The following CAMTA1 variants were observed in gnomAD, a reference collection of about 807,000 sequenced individuals.
The protein encoded by CAMTA1 is calmodulin binding transcription activator 1.
Under a neutral mutation model 170.9 loss-of-function variants are expected in CAMTA1, and 27 were observed. That is an observed-to-expected ratio of 0.16 (90% CI 0.12 to 0.22). The LOEUF (loss-of-function observed/expected upper bound fraction) is 0.22, where lower values mean the gene tolerates loss of function less well. Among genes scored for constraint, CAMTA1 ranks in the 10% least tolerant of loss-of-function variants. The pLI, the probability that CAMTA1 is intolerant of heterozygous loss-of-function variation, is 1.00. For synonymous variants in CAMTA1, 833 were observed against 891.5 expected (o/e 0.93, Z 1.17); for missense variants, 1,619 against 2,217.2 (o/e 0.73, Z 5.42).
intron 5 of CAMTA1, among the ~76,000 whole-genome samples, chr1:7,450,577 C>G (rs879529027): frequency 1.8e-4 from 27 of 152,362 alleles, no homozygotes; most frequent in Admixed American, 1.3e-3. Context: ...CTGCAGGCCC[C>G]ACCGCCTGCC....
chr1:7,098,581 C>G (rs1242785030), intron 4 of CAMTA1, among the ~76,000 whole-genome samples: 2 of 152,134 alleles, frequency 1.3e-5, no homozygotes, highest in Non-Finnish European at 2.9e-5. Context: ...GGTGTCTCGA[C>G]AGTGGTAGGG....
intron 5 of CAMTA1, among the ~76,000 whole-genome samples, chr1:7,366,779 G>A (rs182626578): frequency 2.6e-5 from 4 of 152,230 alleles, no homozygotes; most frequent in Admixed American, 1.3e-4. Context: ...GCAGGAACCC[G>A]CCAGCTTGGT....
chr1:6,837,605 C>T lies in CAMTA1; in HGVS notation c.234+12395C>T, dbSNP rs183458665. On this transcript the variant is annotated intron_variant, in intron 3 of 22. Transcript: ENST00000303635. ...TTAACGTCTGAGTATAGTCATTTCC[C>T]GTTTTTCCTGACACATCTTTCAGCT... Among the ~76,000 whole-genome samples, 14 of 152,224 alleles carry T rather than the reference C, an allele frequency of 9.2e-5. No individual in the cohort carries two copies. In the East Asian group the frequency reaches 1.9e-3, roughly 21 times the overall value.
intron 6 of CAMTA1, among the ~76,000 whole-genome samples, chr1:7,582,940 A>G (rs2095274041): frequency 6.6e-6 from 1 of 152,014 alleles, no homozygotes; most frequent in East Asian, 1.9e-4. Context: ...CTCTCAGCAC[A>G]GTATCACCTG....
intron 4 of CAMTA1, among the ~76,000 whole-genome samples, chr1:7,232,847 C>T (rs1386586966): frequency 6.6e-6 from 1 of 152,084 alleles, no homozygotes; most frequent in Non-Finnish European, 1.5e-5. Flanking sequence ...TGGCCTTTCG[C>T]GTGCAGCCTT....
intron 4 of CAMTA1, among the ~76,000 whole-genome samples, chr1:7,217,615 C>T (rs539932687): frequency 3.9e-4 from 60 of 152,104 alleles, no homozygotes; most frequent in African/African-American, 1.3e-3. Context: ...TTTCTATACT[C>T]ATTTAATTTC....
chr1:7,142,898 G>C (rs995196507), intron 4 of CAMTA1, among the ~76,000 whole-genome samples: 2 of 152,202 alleles, frequency 1.3e-5, no homozygotes, highest in Non-Finnish European at 1.5e-5. Context: ...TGAAACACGA[G>C]AGGCTGGACC....
chr1:7,417,967 C>T (rs1249386530), intron 5 of CAMTA1, among the ~76,000 whole-genome samples: 1 of 152,132 alleles, frequency 6.6e-6, no homozygotes, highest in Non-Finnish European at 1.5e-5. Flanking sequence ...AGTCTGAAGA[C>T]CCAGGCCCTT....
rs1190197179 is a variant in CAMTA1, at chr1:7,224,322, G to C, written c.303-25169G>C. On this transcript the variant is annotated intron_variant, in intron 4 of 22. Coordinates refer to ENST00000303635, the MANE Select transcript of CAMTA1 (RefSeq NM_015215.4). This position sits in a 1 kb window ranked among gnomAD's most constrained non-coding sequence, Gnocchi z 5.2. ...GAGGCGCTTGGTGAGCTTTCCACTG[G>C]ATGGCCTAAATTTGCACCGCTCTGC... Among the ~76,000 whole-genome samples the C allele has an allele frequency of 1.3e-5, 2 of 152,166 alleles. No homozygotes were observed. Among genetic ancestry groups the C allele is most frequent in the Non-Finnish European group, 2.9e-5 (2 of 68,026 alleles).
chr1:7,572,744 G>A lies in CAMTA1; in HGVS notation c.511-67656G>A, dbSNP rs1472541129. Among the ~76,000 whole-genome samples the A allele has an allele frequency of 3.3e-5, 5 of 152,192 alleles. No homozygotes were observed. The East Asian group carries it at 5.8e-4, about 18-fold the overall frequency. Reference sequence around the variant, plus strand: ...CTAATACCATCACCTGGGGGTTTAGGATTTCAACATAGGAATTTGGGGGAA... The same window carrying A: ...CTAATACCATCACCTGGGGGTTTAGAATTTCAACATAGGAATTTGGGGGAA... On this transcript the variant is annotated intron_variant, in intron 6 of 22. Transcript: ENST00000303635.
intron 11 of CAMTA1, among the ~76,000 whole-genome samples, chr1:7,723,272 A>G (rs1162349771): frequency 2.0e-5 from 3 of 152,208 alleles, no homozygotes; most frequent in Non-Finnish European, 4.4e-5. Flanking sequence ...GGAAGAAAAA[A>G]GGATGAGGGC....
At chr1:7,047,701 C>CTT (rs1379378248) in intron 3 of CAMTA1, among the ~76,000 whole-genome samples, 2 of 146,312 alleles carry the variant, frequency 1.4e-5, no homozygotes, top group African/African-American at 5.4e-5. Flanking sequence ...TTGGCTTTGG[C>CTT]TTTCTCTCTC....
At chr1:6,967,914 G>C (rs563984779) in intron 3 of CAMTA1, among the ~76,000 whole-genome samples, 3 of 152,180 alleles carry the variant, frequency 2.0e-5, no homozygotes, top group Admixed American at 6.5e-5. Context: ...TAATTATGCT[G>C]CTATGTAAAT....
chr1:7,149,745 T>C (rs1408164874), intron 4 of CAMTA1, among the ~76,000 whole-genome samples: 3 of 152,178 alleles, frequency 2.0e-5, no homozygotes, highest in African/African-American at 4.8e-5. Flanking sequence ...GTTCCCGGAA[T>C]AACTCCGGCC....
Position 7,737,968 on chromosome 1 carries a change from G to T in CAMTA1, c.3668G>T (p.Arg1223Ile), listed in dbSNP as rs1459899218. The T allele has an allele frequency of 6.2e-7, 1 of 1,605,282 alleles. No individual in the cohort carries two copies. The highest frequency in any genetic ancestry group is 8.5e-7 in the Non-Finnish European group (1 of 1,173,968). Reference sequence around the variant, plus strand: ...CTACTGTACTTTTCAGAGCTGAGAAGACCTCGTTCTGAACCCTCTAATTAC... The same window carrying T: ...CTACTGTACTTTTCAGAGCTGAGAATACCTCGTTCTGAACCCTCTAATTAC... Reference protein sequence around the residue: ...VIASTNPELRRPRSEPSNYYS... With the variant: ...VIASTNPELRIPRSEPSNYYS... Residue 1223 changes from arginine to isoleucine, a missense_variant, in exon 16 of 23, where the codon AGA becomes ATA. Coordinates refer to ENST00000303635, the MANE Select transcript of CAMTA1 (RefSeq NM_015215.4).
intron 4 of CAMTA1, among the ~76,000 whole-genome samples, chr1:7,123,336 T>C (rs1231001971): frequency 1.3e-5 from 2 of 152,156 alleles, no homozygotes; most frequent in African/African-American, 4.8e-5. Flanking sequence ...CGTGTCCAAT[T>C]CTCCCTCTCC....
chr1:7,440,381 G>A (rs2092485841), intron 5 of CAMTA1, among the ~76,000 whole-genome samples: 1 of 152,266 alleles, frequency 6.6e-6, no homozygotes, highest in African/African-American at 2.4e-5. Flanking sequence ...GTCCCAGTGG[G>A]AAGGAGGCCT....
intron 5 of CAMTA1, among the ~76,000 whole-genome samples, chr1:7,448,519 T>A (rs1443340281): frequency 1.3e-5 from 2 of 152,210 alleles, no homozygotes; most frequent in African/African-American, 2.4e-5. Flanking sequence ...ACAGAGCCTG[T>A]CCCAGTCTGT....
Position 7,300,560 on chromosome 1 carries a change from C to T in CAMTA1, c.438+50934C>T, listed in dbSNP as rs759608566. Among the ~76,000 whole-genome samples the T allele has an allele frequency of 1.3e-5, 2 of 152,152 alleles. No individual in the cohort carries two copies. Among genetic ancestry groups the T allele is most frequent in the Non-Finnish European group, 2.9e-5 (2 of 68,034 alleles). On this transcript the variant is annotated intron_variant, in intron 5 of 22. Coordinates refer to ENST00000303635, the MANE Select transcript of CAMTA1 (RefSeq NM_015215.4). This position sits in a 1 kb window ranked among gnomAD's most constrained non-coding sequence, Gnocchi z 4.1. Reference sequence around the variant, plus strand: ...GGCCTGGTGGTAGGCATCTGTAACCCCAGCTATTCGGGAGGCTGAGGTAGG... The same window carrying T: ...GGCCTGGTGGTAGGCATCTGTAACCTCAGCTATTCGGGAGGCTGAGGTAGG...
Sources: allele counts gnomAD v4.1 joint callset (sites outside exome capture counted in the v4.1 genomes callset), GRCh38; gene constraint gnomAD v4.1.1; non-coding constraint Gnocchi (gnomAD v3.1); transcripts MANE v1.5; gene names NCBI Gene and HGNC (gene_info 2026-07-23, HGNC 2026-07-21).